Variants in GPR158 observed in about 807,000 individuals in gnomAD.
The protein encoded by GPR158 is metabotropic glycine receptor.
Under a neutral mutation model 78.2 loss-of-function variants are expected in GPR158, and 30 were observed. That is an observed-to-expected ratio of 0.38 (90% confidence interval 0.29 to 0.52). The LOEUF (loss-of-function observed/expected upper bound fraction) is 0.52. GPR158 is among the 20% of genes least tolerant of loss of function. The pLI, the probability that GPR158 is intolerant of heterozygous loss-of-function variation, is 0.83. For synonymous variants in GPR158, 581 were observed against 591.1 expected (o/e 0.98, Z 0.25); for missense variants, 1,463 against 1,523.5 (o/e 0.96, Z 0.66).
At chr10:25,423,846 C>A (rs138003022) in intron 4 of GPR158, among the ~76,000 whole-genome samples, 1 of 152,138 alleles carries the variant, frequency 6.6e-6, no homozygotes, top group Non-Finnish European at 1.5e-5. Flanking sequence ...AATAAACATA[C>A]GTGTGCATGT....
At chr10:25,338,013 G>C (rs1401856793) in intron 2 of GPR158, among the ~76,000 whole-genome samples, 1 of 151,398 alleles carries the variant, frequency 6.6e-6, no homozygotes, top group Non-Finnish European at 1.5e-5. Context: ...TTATATATTG[G>C]GGATGTAAGT....
At chr10:25,565,769 C>T (rs910982149) in intron 6 of GPR158, among the ~76,000 whole-genome samples, 2 of 152,156 alleles carry the variant, frequency 1.3e-5, no homozygotes, top group Admixed American at 6.5e-5. Flanking sequence ...AAGGTTCTTG[C>T]CTAGCCACGC....
chr10:25,356,417 GTTGT>G (rs1379247553), intron 2 of GPR158, among the ~76,000 whole-genome samples: 2 of 151,886 alleles, frequency 1.3e-5, no homozygotes, highest in African/African-American at 4.8e-5. Context: ...TGACTTATTG[GTTGT>G]TTAAGAGTAT....
intron 4 of GPR158, among the ~76,000 whole-genome samples, chr10:25,439,423 A>G (rs541345730): frequency 1.3e-5 from 2 of 152,302 alleles, no homozygotes; most frequent in East Asian, 3.9e-4. Flanking sequence ...ATAGGAATAC[A>G]ATTCAAGATG....
intron 5 of GPR158, among the ~76,000 whole-genome samples, chr10:25,516,951 T>C (rs2130676714): frequency 6.7e-6 from 1 of 148,514 alleles, no homozygotes; most frequent in South Asian, 2.1e-4. Context: ...AATCTGCAAA[T>C]TACCTTGGGC....
chr10:25,401,701 C>A (rs186227220), intron 3 of GPR158, among the ~76,000 whole-genome samples: 2 of 152,046 alleles, frequency 1.3e-5, no homozygotes, highest in African/African-American at 4.8e-5. Flanking sequence ...TATTAAAGAC[C>A]TCTGGCAGGG....
chr10:25,321,161 G>A lies in GPR158; in HGVS notation c.1009-74750G>A, dbSNP rs1057263762. Among the ~76,000 whole-genome samples, 11 of 152,188 alleles carry A rather than the reference G, an allele frequency of 7.2e-5. No individual in the cohort carries two copies. In the South Asian group the frequency reaches 2.3e-3, roughly 32 times the overall value. On this transcript the variant is annotated intron_variant, in intron 2 of 10. Transcript: ENST00000376351. ...TAGAAAGTCATAACAGACAATCTCTGGACAATATATATTCTCCTGTTCTGC... is the reference window on the plus strand; with the variant it reads ...TAGAAAGTCATAACAGACAATCTCTAGACAATATATATTCTCCTGTTCTGC...
At chr10:25,354,479 A>C (rs930435691) in intron 2 of GPR158, among the ~76,000 whole-genome samples, 1 of 152,014 alleles carries the variant, frequency 6.6e-6, no homozygotes, top group Non-Finnish European at 1.5e-5. Context: ...CTACATTTAG[A>C]CTTTGTCTCA....
At chr10:25,415,446 C>T (rs941685434) in intron 4 of GPR158, among the ~76,000 whole-genome samples, 5 of 152,014 alleles carry the variant, frequency 3.3e-5, no homozygotes, top group East Asian at 3.9e-4. Context: ...ATTAGGAAAA[C>T]GCAACTCAAA....
rs547426042 is a variant in GPR158 at position 25,595,707 on chromosome 10, G to C, written c.1999-936G>C. ...ATCTATAGAAACATAAAGTAGATTA[G>C]TGTTTGTCACAGGCTGGAGGAAGGA... On this transcript the variant is annotated intron_variant, in intron 9 of 10. Transcript: ENST00000376351. Among the ~76,000 whole-genome samples, 14 of 152,286 alleles carry C rather than the reference G, an allele frequency of 9.2e-5. No homozygotes were observed. The South Asian group carries it at 2.9e-3, about 32-fold the overall frequency.
At chr10:25,422,577 C>T (rs918453422) in intron 4 of GPR158, among the ~76,000 whole-genome samples, 1 of 147,676 alleles carries the variant, frequency 6.8e-6, no homozygotes, top group Non-Finnish European at 1.5e-5. Flanking sequence ...CATCTGAATG[C>T]TTTTTGACTT....
intron 5 of GPR158, among the ~76,000 whole-genome samples, chr10:25,511,790 G>A (rs962240883): frequency 6.6e-6 from 1 of 152,068 alleles, no homozygotes; most frequent in Non-Finnish European, 1.5e-5. Context: ...TGAAAAGGGT[G>A]TCCTTTCCCC....
chr10:25,440,295 G>T (rs900428847), intron 4 of GPR158, among the ~76,000 whole-genome samples: 8 of 152,280 alleles, frequency 5.3e-5, no homozygotes, highest in African/African-American at 1.9e-4. Context: ...TTAGCCTTGA[G>T]GGGTGGATAG....
rs560464035 is a variant in GPR158, at chr10:25,430,612, T to C, written c.1335+18139T>C. Among the ~76,000 whole-genome samples, 11 of 151,102 alleles carry C rather than the reference T, an allele frequency of 7.3e-5. No homozygotes were observed. The South Asian group carries it at 2.3e-3, about 32-fold the overall frequency. ...CATCATGCTACCTAACTTCAAACTA[T>C]ACTACAAGGCTACAGTAACCAAAAC... On this transcript the variant is annotated intron_variant, in intron 4 of 10. Coordinates refer to ENST00000376351, the MANE Select transcript of GPR158 (RefSeq NM_020752.3).
Position 25,175,687 on chromosome 10 carries a change from G to A in GPR158, c.267G>A (p.Gly89=). The change falls in exon 1 of 11, where the codon GGG becomes GGA. Residue 89 remains glycine (G), a synonymous_variant. Transcript: ENST00000376351. The surrounding 1 kb of genome is among the most constrained non-coding windows in gnomAD (Gnocchi z 6.4). ...ACGTGGCCTCTTACCTCTACACCGG[G>A]GACTCCCACCAGCTGAAGCGAGCCA... ...PMDVASYLYT[G]DSHQLKRANC... 2 of 1,611,710 alleles carry A rather than the reference G, an allele frequency of 1.2e-6. No homozygotes were observed. Among genetic ancestry groups the A allele is most frequent in the Non-Finnish European group, 8.5e-7 (1 of 1,179,930 alleles).
intron 2 of GPR158, among the ~76,000 whole-genome samples, chr10:25,248,874 G>A (rs959593793): frequency 6.6e-6 from 1 of 151,388 alleles, no homozygotes; most frequent in African/African-American, 2.4e-5. Context: ...AGCATGATGG[G>A]GATGGCATTG....
intron 4 of GPR158, among the ~76,000 whole-genome samples, chr10:25,441,728 T>C: frequency 6.6e-6 from 1 of 152,176 alleles, no homozygotes; most frequent in Non-Finnish European, 1.5e-5. Context: ...AAATTATTTT[T>C]TATATCCTGA....
chr10:25,408,299 G>C (rs1047929342), intron 3 of GPR158, among the ~76,000 whole-genome samples: 1 of 152,112 alleles, frequency 6.6e-6, no homozygotes, highest in Non-Finnish European at 1.5e-5. Context: ...GGTTTGTGTG[G>C]GGAGTGCTTG....
intron 2 of GPR158, among the ~76,000 whole-genome samples, chr10:25,227,574 TTTC>T (rs1438195786): frequency 6.6e-6 from 1 of 152,210 alleles, no homozygotes; most frequent in African/African-American, 2.4e-5. Flanking sequence ...CTTAGTAATT[TTTC>T]TTCTTATTAT....
Sources: gnomAD v4.1 joint callset for allele counts (sites outside exome capture counted in the v4.1 genomes callset) on GRCh38, gnomAD v4.1.1 for gene constraint, Gnocchi (gnomAD v3.1) non-coding constraint, MANE v1.5 for transcripts, NCBI Gene and HGNC (gene_info 2026-07-23, HGNC 2026-07-21) for gene names.